The following PDZD2 variants were observed in gnomAD, a reference collection of about 807,000 sequenced individuals.
PDZD2 encodes PDZ domain containing 2, also known as PDZ domain-containing protein 2.
A neutral mutation model predicts 220.7 loss-of-function variants in PDZD2; 90 were observed. The observed-to-expected ratio is 0.41, with a 90% CI of 0.34 to 0.49. The LOEUF (loss-of-function observed/expected upper bound fraction) is 0.49. Ranked by LOEUF, PDZD2 falls within the 20% of genes least tolerant of loss-of-function variation. PDZD2 has a pLI of 0.28. For synonymous variants in PDZD2, 1,375 were observed against 1,450.5 expected, an observed-to-expected ratio of 0.95 and a Z score of 1.18; for missense variants, 3,174 against 3,608.5, an observed-to-expected ratio of 0.88 and a Z score of 3.08.
intron 1 of PDZD2, among the ~76,000 whole-genome samples, chr5:31,750,293 C>T (rs922943679): frequency 2.0e-5 from 3 of 152,196 alleles, no homozygotes; most frequent in African/African-American, 7.2e-5. Context: ...CCCCAGCTCC[C>T]TCTTGCCTGC....
intron 1 of PDZD2, chr5:31,712,067 A>C (rs1193462385): frequency 6.6e-6 from 1 of 152,646 alleles, no homozygotes; most frequent in African/African-American, 2.4e-5. Flanking sequence ...TCCAGGATGC[A>C]GGTCCCTGAT....
chr5:31,886,736 C>T (rs1033105379), intron 2 of PDZD2, among the ~76,000 whole-genome samples: 9 of 149,844 alleles, frequency 6.0e-5, no homozygotes, highest in Admixed American at 1.3e-4. Context: ...CTTGCTCTGT[C>T]GCTCAGGCTG....
intron 6 of PDZD2, among the ~76,000 whole-genome samples, chr5:32,011,838 G>A: frequency 6.6e-6 from 1 of 152,188 alleles, no homozygotes. Flanking sequence ...ACCAAGCATG[G>A]TTGTGCAGGT....
intron 14 of PDZD2, among the ~76,000 whole-genome samples, chr5:32,067,755 T>A (rs942835435): frequency 2.0e-5 from 3 of 152,130 alleles, no homozygotes; most frequent in African/African-American, 7.2e-5. Flanking sequence ...TCAGGCTTTT[T>A]AAAAAAATCT....
At chr5:31,671,590 G>A (rs1440176045) in intron 1 of PDZD2, among the ~76,000 whole-genome samples, 1 of 152,276 alleles carries the variant, frequency 6.6e-6, no homozygotes, top group African/African-American at 2.4e-5. Flanking sequence ...GCACTAGTGC[G>A]GCCCTCCTTC....
At chr5:31,823,736 C>T (rs560795422) in intron 2 of PDZD2, among the ~76,000 whole-genome samples, 1 of 152,284 alleles carries the variant, frequency 6.6e-6, no homozygotes, top group South Asian at 2.1e-4. Context: ...CACCTCCATC[C>T]TCTTACGGTC....
At chr5:32,068,355 T>G (rs1449010702) in intron 14 of PDZD2, among the ~76,000 whole-genome samples, 1 of 152,214 alleles carries the variant, frequency 6.6e-6, no homozygotes, top group Non-Finnish European at 1.5e-5. Context: ...AACATCACTA[T>G]GCAAAGAAGT....
chr5:32,081,530 A>T (rs1250490539), intron 19 of PDZD2, among the ~76,000 whole-genome samples: 1 of 152,158 alleles, frequency 6.6e-6, no homozygotes, highest in African/African-American at 2.4e-5. Context: ...CGATTACCGG[A>T]TCTCTAAAAG....
chr5:31,758,893 C>T (rs1000699597), intron 1 of PDZD2, among the ~76,000 whole-genome samples: 2 of 152,134 alleles, frequency 1.3e-5, no homozygotes, highest in Non-Finnish European at 2.9e-5. Context: ...TTAGAGAAAG[C>T]ATCCTGCTGT....
chr5:31,650,114 A>T (rs1745294983), intron 1 of PDZD2, among the ~76,000 whole-genome samples: 1 of 152,102 alleles, frequency 6.6e-6, no homozygotes, highest in Non-Finnish European at 1.5e-5. Flanking sequence ...CTCTGTTAAT[A>T]ATCTGAGTGA....
chr5:31,651,967 G>A (rs867622888), intron 1 of PDZD2, among the ~76,000 whole-genome samples: 4 of 148,258 alleles, frequency 2.7e-5, no homozygotes, highest in African/African-American at 5.0e-5. Flanking sequence ...TTATAGGTGC[G>A]CACCACCATG....
intron 2 of PDZD2, among the ~76,000 whole-genome samples, chr5:31,804,672 G>A (rs1239713607): frequency 1.5e-5 from 2 of 131,124 alleles, no homozygotes; most frequent in African/African-American, 2.6e-5. Flanking sequence ...CACCAGATCT[G>A]TACTTTGGTC....
intron 1 of PDZD2, among the ~76,000 whole-genome samples, chr5:31,740,412 C>CT (rs1001686519): frequency 6.6e-6 from 1 of 151,110 alleles, no homozygotes. Flanking sequence ...GTAGTCCCAG[C>CT]TACTCAGGAG....
At chr5:31,657,934 C>T (rs769841801) in intron 1 of PDZD2, among the ~76,000 whole-genome samples, 4 of 152,320 alleles carry the variant, frequency 2.6e-5, no homozygotes, top group African/African-American at 9.6e-5. Flanking sequence ...TAGGAACCAT[C>T]GCTTTATCTG....
At chr5:31,846,810 C>T (rs1189040860) in intron 2 of PDZD2, among the ~76,000 whole-genome samples, 2 of 152,146 alleles carry the variant, frequency 1.3e-5, no homozygotes, top group South Asian at 4.1e-4. Flanking sequence ...TGGGAATTTC[C>T]GCTTTCTTCC....
intron 2 of PDZD2, among the ~76,000 whole-genome samples, chr5:31,896,139 TC>T (rs1741528279): frequency 6.6e-6 from 1 of 152,054 alleles, no homozygotes; most frequent in African/African-American, 2.4e-5. Flanking sequence ...CGTGACCCTC[TC>T]TGACACCTCC....
intron 5 of PDZD2, among the ~76,000 whole-genome samples, chr5:32,003,615 A>G (rs1259829166): frequency 6.6e-6 from 1 of 151,998 alleles, no homozygotes; most frequent in Non-Finnish European, 1.5e-5. Flanking sequence ...GCTGAAGAAC[A>G]TGGGTTTCTG....
intron 2 of PDZD2, among the ~76,000 whole-genome samples, chr5:31,844,972 T>C (rs1757508804): frequency 6.6e-6 from 1 of 150,606 alleles, no homozygotes; most frequent in Non-Finnish European, 1.5e-5. Flanking sequence ...AACAAGTTTC[T>C]TTTATCATAT....
At chr5:31,806,151 G>A (rs6863125) in intron 2 of PDZD2, among the ~76,000 whole-genome samples, 32,469 of 152,064 alleles carry the variant, frequency 0.21, 3,694 homozygotes, top group African/African-American at 0.28. Context: ...TTTCCTCCCC[G>A]ACACTGGACA....
Sources: gnomAD v4.1 joint callset for allele counts (sites outside exome capture counted in the v4.1 genomes callset) on GRCh38, gnomAD v4.1.1 for gene constraint, MANE v1.5 for transcripts, NCBI Gene and HGNC (gene_info 2026-07-23, HGNC 2026-07-21) for gene names.